The following DIAPH3 variants were observed in gnomAD, a reference collection of about 807,000 sequenced individuals.
DIAPH3 encodes protein diaphanous homolog 3.
DIAPH3 carries 117 observed loss-of-function variants against 144.3 expected under a neutral mutation model. The ratio of observed to expected loss-of-function variants is 0.81; its 90% CI spans 0.70 to 0.95. The LOEUF (loss-of-function observed/expected upper bound fraction) is 0.95. DIAPH3 is among the 40% of genes least tolerant of loss of function. DIAPH3 has a pLI of 0.00. For missense variants in DIAPH3, 1,421 were observed against 1,412.7 expected, an observed-to-expected ratio of 1.01 and a Z score of -0.09; for synonymous variants, 519 against 488.9, an observed-to-expected ratio of 1.06 and a Z score of -0.81.
intron 5 of DIAPH3, among the ~76,000 whole-genome samples, chr13:60,042,054 T>C (rs928082982): frequency 9.9e-5 from 15 of 152,110 alleles, no homozygotes; most frequent in Admixed American, 9.8e-4. Flanking sequence ...TCAAAATATA[T>C]TTACACTGAT....
chr13:59,734,724 C>T (rs1408056041), intron 27 of DIAPH3, among the ~76,000 whole-genome samples: 1 of 152,176 alleles, frequency 6.6e-6, no homozygotes, highest in African/African-American at 2.4e-5. Context: ...TGTCATAAAC[C>T]AATAGCAATT....
intron 17 of DIAPH3, among the ~76,000 whole-genome samples, chr13:59,949,056 G>A (rs2048959225): frequency 6.6e-6 from 1 of 152,142 alleles, no homozygotes; most frequent in African/African-American, 2.4e-5. Flanking sequence ...GGTAAAGAAA[G>A]CAGGAAGAAG....
intron 4 of DIAPH3, among the ~76,000 whole-genome samples, chr13:60,085,468 T>C (rs891113000): frequency 2.0e-5 from 3 of 152,126 alleles, no homozygotes; most frequent in Non-Finnish European, 4.4e-5. Context: ...GGCTGTATCC[T>C]AGAATCACCA....
At chr13:59,812,272 CCATCCATCCAT>C (rs1566348580) in intron 24 of DIAPH3, among the ~76,000 whole-genome samples, 1 of 150,876 alleles carries the variant, frequency 6.6e-6, no homozygotes, top group African/African-American at 2.5e-5. Flanking sequence ...ATCCATCCAT[CCATCCATCCAT>C]CCATCCATCC....
chr13:59,870,962 G>A (rs1325568161), intron 21 of DIAPH3, among the ~76,000 whole-genome samples: 1 of 152,080 alleles, frequency 6.6e-6, no homozygotes, highest in African/African-American at 2.4e-5. Flanking sequence ...GAGCCACCAC[G>A]CCTGGCCTTG....
chr13:60,128,002 G>C (rs1282478136), intron 2 of DIAPH3, among the ~76,000 whole-genome samples: 1 of 151,926 alleles, frequency 6.6e-6, no homozygotes, highest in Non-Finnish European at 1.5e-5. Flanking sequence ...ATTTCAGCCA[G>C]GTACTGGTCC....
At chr13:60,047,322 G>A (rs1263848692) in intron 4 of DIAPH3, among the ~76,000 whole-genome samples, 1 of 151,636 alleles carries the variant, frequency 6.6e-6, no homozygotes, top group African/African-American at 2.4e-5. Context: ...ATCCCATCAA[G>A]TGTTTTGTAG....
chr13:59,725,604 A>G (rs534522611), intron 27 of DIAPH3, among the ~76,000 whole-genome samples: 51 of 152,206 alleles, frequency 3.4e-4, no homozygotes, highest in Non-Finnish European at 7.4e-4. Flanking sequence ...ACATCATCCA[A>G]TACTTGATTC....
chr13:59,905,317 T>C (rs1050897461), intron 20 of DIAPH3, among the ~76,000 whole-genome samples: 4 of 118,918 alleles, frequency 3.4e-5, no homozygotes, highest in Non-Finnish European at 4.8e-5. Context: ...CACTCCAGCC[T>C]GGGCGACAGA....
intron 5 of DIAPH3, among the ~76,000 whole-genome samples, chr13:60,027,205 G>C (rs574041483): frequency 6.6e-6 from 1 of 152,300 alleles, no homozygotes; most frequent in South Asian, 2.1e-4. Context: ...GCCCTGTGGG[G>C]CAAGACAAAC....
At chr13:59,817,779 A>G (rs945021280) in intron 24 of DIAPH3, among the ~76,000 whole-genome samples, 5 of 151,622 alleles carry the variant, frequency 3.3e-5, no homozygotes, top group South Asian at 2.1e-4. Context: ...CTATCCTTTC[A>G]CTGGTTATCC....
chr13:59,948,932 T>A (rs1287076591), intron 17 of DIAPH3, among the ~76,000 whole-genome samples: 1 of 151,734 alleles, frequency 6.6e-6, no homozygotes, highest in Non-Finnish European at 1.5e-5. Flanking sequence ...CATTTAAAGA[T>A]CTAATTTAAA....
At chr13:59,839,232 G>C in intron 23 of DIAPH3, 92 bp downstream of exon 23, 13 of 1,515,370 alleles carry the variant, frequency 8.6e-6, no homozygotes, top group Non-Finnish European at 1.1e-5. Context: ...ACTACAGAAT[G>C]ATCTCTGGTT....
intron 18 of DIAPH3, among the ~76,000 whole-genome samples, chr13:59,920,507 T>C (rs1397276254): frequency 1.4e-5 from 2 of 140,808 alleles, no homozygotes; most frequent in Non-Finnish European, 3.3e-5. Flanking sequence ...CTTGTAAACA[T>C]ATATATGTGT....
At chr13:60,130,793 G>A (rs1333594960) in intron 2 of DIAPH3, among the ~76,000 whole-genome samples, 3 of 152,212 alleles carry the variant, frequency 2.0e-5, no homozygotes, top group Non-Finnish European at 4.4e-5. Flanking sequence ...TATGCACTAG[G>A]CATTATGGTA....
At chr13:59,897,485 C>T (rs952263680) in intron 20 of DIAPH3, among the ~76,000 whole-genome samples, 3 of 151,734 alleles carry the variant, frequency 2.0e-5, no homozygotes, top group African/African-American at 4.8e-5. Context: ...CACGGTGGCT[C>T]ACGCCTGTAA....
Position 59,666,692 on chromosome 13 carries a change from A to T in DIAPH3, c.3474T>A (p.Cys1158Ter). 6.2e-7 allele frequency: 1 copy of T among 1,614,140 alleles called. No individual in the cohort carries two copies. The highest frequency in any genetic ancestry group is 1.3e-5 in the African/African-American group (1 of 75,058). ...RIKAAEKKEA[C>*]NVESNRKKET... Reference sequence around the variant, plus strand: ...CCTTTTTTCTGTTGCTTTCTACATTACACGCTTCCTTCTTCTCAGCTGCCT... The same window carrying T: ...CCTTTTTTCTGTTGCTTTCTACATTTCACGCTTCCTTCTTCTCAGCTGCCT... Residue 1158 changes from cysteine (C) to a stop codon, truncating the protein, a stop_gained, in exon 28 of 28, where the codon TGT (cysteine) becomes TGA (stop). Coordinates refer to ENST00000400324, the MANE Select transcript of DIAPH3 (RefSeq NM_001042517.2). LOFTEE classifies it high-confidence loss of function.
intron 18 of DIAPH3, among the ~76,000 whole-genome samples, chr13:59,917,319 C>G (rs2047267322): frequency 1.3e-5 from 2 of 152,096 alleles, no homozygotes; most frequent in Admixed American, 1.3e-4. Flanking sequence ...ATCAGGGGTC[C>G]TGGAACCAAT....
In DIAPH3 at chr13:60,163,599, C is replaced by T; in HGVS notation, c.168G>A (p.Lys56=). 1 of 1,593,236 alleles carries T rather than the reference C, an allele frequency of 6.3e-7. No individual in the cohort carries two copies. The highest frequency in any genetic ancestry group is 8.6e-7 in the Non-Finnish European group (1 of 1,165,868). Residue 56 remains lysine, a synonymous_variant, in exon 1 of 28, where the codon AAG becomes AAA. Transcript: ENST00000400324. ...AGGCGATACTCACAAACTTGGGGCG[C>T]TTCTCCCCAGGCTCCTCGGGGCCAC... The part of the protein sequence containing the change: ...PPSGPEEPGE[K]RPKFHLNIRT...
Sources: allele counts gnomAD v4.1 joint callset (sites outside exome capture counted in the v4.1 genomes callset), GRCh38; gene constraint gnomAD v4.1.1; transcripts MANE v1.5; gene names NCBI Gene and HGNC (gene_info 2026-07-23, HGNC 2026-07-21).